Variants in APC observed in about 807,000 individuals in gnomAD.
APC encodes the protein adenomatous polyposis coli protein.
APC carries 72 observed loss-of-function variants against 247.0 expected under a neutral mutation model. The ratio of observed to expected loss-of-function variants is 0.29; its 90% CI spans 0.24 to 0.35. The LOEUF is 0.35. Among genes scored for constraint, APC ranks in the 10% least tolerant of loss-of-function variants. APC has a pLI of 1.00. For synonymous variants in APC, 1,254 were observed against 1,162.5 expected, an observed-to-expected ratio of 1.08 and a Z score of -1.60; for missense variants, 3,400 against 3,360.7, an observed-to-expected ratio of 1.01 and a Z score of -0.29.
At chr5:112,722,161 T>G (rs1751516501) in intron 1 of APC, among the ~76,000 whole-genome samples, 1 of 152,008 alleles carries the variant, frequency 6.6e-6, no homozygotes, top group Non-Finnish European at 1.5e-5. Flanking sequence ...TACAGGGGAG[T>G]TCGTTGATTA....
intron 8 of APC, among the ~76,000 whole-genome samples, chr5:112,805,054 A>G (rs1323298812): frequency 6.6e-6 from 1 of 152,052 alleles, no homozygotes; most frequent in African/African-American, 2.4e-5. Context: ...CATTATACAT[A>G]TGTATAATGT....
At chr5:112,725,908 C>T (rs1416653711) in intron 1 of APC, among the ~76,000 whole-genome samples, 2 of 152,200 alleles carry the variant, frequency 1.3e-5, no homozygotes, top group Admixed American at 6.5e-5. Flanking sequence ...ATATGAGGTA[C>T]AGACTGGTTC....
rs182912140 is a variant in APC at position 112,710,933 on chromosome 5, G to A, written c.165+3051G>A. 8.5e-5 allele frequency among the ~76,000 whole-genome samples: 13 copies of A among 152,352 alleles called. No homozygotes were observed. The East Asian group carries it at 1.7e-3, about 20-fold the overall frequency. On this transcript the variant is annotated intron_variant, in intron 1 of 13. Coordinates refer to the APC transcript ENST00000507379. Reference sequence around the variant, plus strand: ...TGTAGAGTTCTTACTAAATGCTTCTGTGCTTTGCACTCGTACTGCCTTTAC... The same window carrying A: ...TGTAGAGTTCTTACTAAATGCTTCTATGCTTTGCACTCGTACTGCCTTTAC...
At chr5:112,816,562 G>A (rs994120362) in intron 9 of APC, among the ~76,000 whole-genome samples, 5 of 152,144 alleles carry the variant, frequency 3.3e-5, no homozygotes, top group Non-Finnish European at 5.9e-5. Flanking sequence ...GGGAGGCTGA[G>A]GTGGGTGGAT....
chr5:112,805,196 T>C (rs1377325353), intron 8 of APC, among the ~76,000 whole-genome samples: 6 of 152,168 alleles, frequency 3.9e-5, no homozygotes, highest in Non-Finnish European at 7.4e-5. Flanking sequence ...AATGAACATG[T>C]ATTACTATAA....
chr5:112,818,483 G>T (rs963716769), intron 9 of APC, among the ~76,000 whole-genome samples: 2 of 152,096 alleles, frequency 1.3e-5, no homozygotes, highest in Non-Finnish European at 2.9e-5. Flanking sequence ...ATTAATGATT[G>T]CTGAGAATTA....
intron 8 of APC, among the ~76,000 whole-genome samples, chr5:112,807,278 G>A (rs1010008400): frequency 1.3e-5 from 2 of 152,146 alleles, no homozygotes; most frequent in Non-Finnish European, 2.9e-5. Flanking sequence ...GTTTACTGTG[G>A]TAATTGTATT....
chr5:112,770,418 A>G (rs1756905426), intron 4 of APC, among the ~76,000 whole-genome samples: 1 of 152,188 alleles, frequency 6.6e-6, no homozygotes, highest in Non-Finnish European at 1.5e-5. Flanking sequence ...AAAAATATTT[A>G]AAGGTGCTTT....
chr5:112,714,406 A>G (rs1239896893), intron 1 of APC, among the ~76,000 whole-genome samples: 1 of 152,246 alleles, frequency 6.6e-6, no homozygotes, highest in South Asian at 2.1e-4. Context: ...ATATTCTTAC[A>G]TTGCAAGTGA....
Position 112,707,592 on chromosome 5 carries a change from G to T in APC, c.-126G>T, listed in dbSNP as rs948080320. The stretch of plus-strand genomic sequence containing the variant: ...GGAAGCCTAGCCGCTGCTCGGGGGG[G>T]ACCTGCGGGCTCAGGCCCGGGAGCT... On this transcript the variant is annotated 5_prime_UTR_variant, in exon 1 of 14. Coordinates refer to the APC transcript ENST00000507379. The T allele has an allele frequency of 8.8e-5, 88 of 1,003,868 alleles. No individual in the cohort carries two copies. The highest frequency in any genetic ancestry group is 9.8e-5 in the Non-Finnish European group (71 of 724,314). 62.2% of individuals were successfully genotyped at this position (1,003,868 alleles called of 1,614,324 possible).
intron 11 of APC, among the ~76,000 whole-genome samples, chr5:112,823,086 C>T (rs1009570324): frequency 6.6e-6 from 1 of 152,160 alleles, no homozygotes; most frequent in Non-Finnish European, 1.5e-5. Context: ...AATACAATCT[C>T]AGCATTTGTG....
At position 112,842,195 on chromosome 5, in the gene APC, G is replaced by A. The variant is rs753573633; in HGVS notation, c.6601G>A (p.Gly2201Arg). The A allele has an allele frequency of 6.8e-6, 11 of 1,613,106 alleles. No homozygotes were observed. Among genetic ancestry groups the A allele is most frequent in the Non-Finnish European group, 9.3e-6 (11 of 1,179,244 alleles). Residue 2201 changes from glycine to arginine, a missense_variant, in exon 16 of 16, where the codon GGA becomes AGA. Transcript: ENST00000257430. ...AAAAGTTTATAAAAGTTTGATTACT[G>A]GAAAAGTTCGATCTAATTCAGAAAT... ...GKKVYKSLIT[G>R]KVRSNSEISG...
At chr5:112,756,922 T>C (rs1755047639) in intron 2 of APC, among the ~76,000 whole-genome samples, 1 of 152,236 alleles carries the variant, frequency 6.6e-6, no homozygotes, top group Non-Finnish European at 1.5e-5. Flanking sequence ...TGAGCATTCC[T>C]AATTCGAAAA....
rs369565374 is a variant in APC, at chr5:112,788,883, A to G, written c.646-3563A>G. On this transcript the variant is annotated intron_variant, in intron 6 of 15. Coordinates refer to ENST00000257430, the MANE Select transcript of APC (RefSeq NM_000038.6). ...GTTCGCAAATAATGACAGTTTGTTT[A>G]TCCTTTCCAGTCCTTACAGCGTTTT... Among the ~76,000 whole-genome samples, 178 of 152,254 alleles carry G rather than the reference A, an allele frequency of 1.2e-3. 4 individuals are homozygous for G. The South Asian group carries it at 0.035, about 30-fold the overall frequency.
Position 112,761,014 on chromosome 5 carries a change from T to C in APC, c.136-5312T>C, listed in dbSNP as rs148733027. 8.0e-3 allele frequency among the ~76,000 whole-genome samples: 1,222 copies of C among 152,248 alleles called. 26 individuals carry two copies. Among genetic ancestry groups the C allele is most frequent in the African/African-American group, 0.028 (1,168 of 41,542 alleles). ...TTAGTAGAGACGGGGTTTCACTGTG[T>C]TAGCCAGGATGGTCTTGATCTCCTG... On this transcript the variant is annotated intron_variant, in intron 2 of 15. Transcript: ENST00000257430.
chr5:112,818,853 G>GC (rs1762787983), intron 9 of APC, 113 bp from the exon 10 acceptor site: 1 of 1,090,374 alleles, frequency 9.2e-7, no homozygotes, highest in South Asian at 1.4e-5. Flanking sequence ...TTGGCGGGGG[G>GC]GGTTGTTTTG....
chr5:112,767,225 A>T lies in APC; in HGVS notation c.257A>T (p.Lys86Ile). The T allele has an allele frequency of 6.2e-7, 1 of 1,614,150 alleles. No homozygotes were observed. The highest frequency in any genetic ancestry group is 2.2e-5 in the East Asian group (1 of 44,876). The change falls in exon 4 of 16, where the codon AAA becomes ATA. Residue 86 changes from lysine (K) to isoleucine (I), a missense_variant. Physicochemically the swap from Lys to Ile is moderately radical, Grantham distance 102. Transcript: ENST00000257430. ...NLDSSNFPGV[K>I]LRSKMSLRSY... ...GATAGCAGTAATTTCCCTGGAGTAA[A>T]ACTGCGGTCAAAAATGTCCCTCCGT...
intron 1 of APC, among the ~76,000 whole-genome samples, chr5:112,728,375 G>A (rs1400427983): frequency 3.3e-5 from 5 of 151,854 alleles, no homozygotes; most frequent in African/African-American, 4.8e-5. Flanking sequence ...CAAATGATCC[G>A]CCCACCTCAG....
intron 1 of APC, among the ~76,000 whole-genome samples, chr5:112,722,370 C>G (rs1350774896): frequency 1.3e-5 from 2 of 152,240 alleles, no homozygotes; most frequent in African/African-American, 4.8e-5. Context: ...ACATCTGTGT[C>G]TCATCTTGGG....
Sources: gnomAD v4.1 joint callset for allele counts (sites outside exome capture counted in the v4.1 genomes callset) on GRCh38, gnomAD v4.1.1 for gene constraint, MANE v1.5 for transcripts, NCBI Gene and HGNC (gene_info 2026-07-23, HGNC 2026-07-21) for gene names.